MAD1L1: variants seen among roughly 807,000 people sequenced by gnomAD.
MAD1L1 encodes the protein mitotic arrest deficient 1 like 1, also known as mitotic spindle assembly checkpoint protein MAD1.
Under a neutral mutation model 96.9 loss-of-function variants are expected in MAD1L1, and 95 were observed. The observed-to-expected ratio is 0.98, with a 90% CI of 0.83 to 1.16. The LOEUF (loss-of-function observed/expected upper bound fraction) is 1.16. MAD1L1 is among the 50% of genes most tolerant of loss of function. MAD1L1 has a pLI of 0.00. For missense variants in MAD1L1, 1,007 were observed against 954.4 expected, an observed-to-expected ratio of 1.06 and a Z score of -0.73; for synonymous variants, 473 against 396.6, an observed-to-expected ratio of 1.19 and a Z score of -2.29.
At chr7:1,969,579 T>C (rs538430743) in intron 15 of MAD1L1, among the ~76,000 whole-genome samples, 2 of 152,298 alleles carry the variant, frequency 1.3e-5, no homozygotes, top group Non-Finnish European at 2.9e-5. Flanking sequence ...AAAGTGAAAC[T>C]ACTTCTCTCT....
intron 15 of MAD1L1, among the ~76,000 whole-genome samples, chr7:1,973,833 G>C (rs1284279947): frequency 2.0e-5 from 3 of 152,322 alleles, no homozygotes; most frequent in South Asian, 2.1e-4. Flanking sequence ...GGACCAGAGA[G>C]CCAGAGCTGG....
intron 14 of MAD1L1, among the ~76,000 whole-genome samples, chr7:1,999,679 A>C (rs1781705663): frequency 1.3e-5 from 2 of 152,084 alleles, no homozygotes; most frequent in Admixed American, 6.5e-5. Context: ...CATGCCCGTC[A>C]CTACAGTAAG....
chr7:1,843,445 G>A (rs1445359456), intron 18 of MAD1L1, among the ~76,000 whole-genome samples: 3 of 152,102 alleles, frequency 2.0e-5, no homozygotes, highest in Admixed American at 1.3e-4. Context: ...CTGTCATCCA[G>A]CCCCTCCTGA....
chr7:1,887,500 C>T (rs1562491246), intron 18 of MAD1L1, among the ~76,000 whole-genome samples: 1 of 144,106 alleles, frequency 6.9e-6, no homozygotes, highest in African/African-American at 2.6e-5. Flanking sequence ...TGCATGTGTG[C>T]ATGTATGTGG....
intron 5 of MAD1L1, chr7:2,221,167 A>T (rs1454763250): frequency 4.2e-6 from 3 of 720,142 alleles, no homozygotes; most frequent in East Asian, 2.7e-5. Flanking sequence ...CCCACCGGGC[A>T]CCGCCCTGCG....
intron 17 of MAD1L1, among the ~76,000 whole-genome samples, chr7:1,917,013 G>C (rs1788449303): frequency 6.6e-6 from 1 of 152,136 alleles, no homozygotes; most frequent in Admixed American, 6.5e-5. Context: ...AGCATCTTGT[G>C]ACAGGAATGT....
chr7:2,000,620 C>A (rs931071741), intron 14 of MAD1L1, among the ~76,000 whole-genome samples: 3 of 152,274 alleles, frequency 2.0e-5, no homozygotes, highest in Admixed American at 2.0e-4. Context: ...CTCCTCCATT[C>A]GCCACCACCG....
At chr7:1,827,123 G>A (rs952449092) in intron 18 of MAD1L1, among the ~76,000 whole-genome samples, 3 of 152,236 alleles carry the variant, frequency 2.0e-5, no homozygotes, top group Non-Finnish European at 2.9e-5. Flanking sequence ...GCTGTGAGTG[G>A]CATCCGCCAC....
chr7:2,144,492 A>G (rs1263202018), intron 11 of MAD1L1, among the ~76,000 whole-genome samples: 2 of 152,088 alleles, frequency 1.3e-5, no homozygotes, highest in East Asian at 1.9e-4. Flanking sequence ...CGAGCTTCCC[A>G]GCCCTGTTCT....
intron 15 of MAD1L1, among the ~76,000 whole-genome samples, chr7:1,969,274 C>A (rs1562570556): frequency 6.6e-6 from 1 of 152,134 alleles, no homozygotes; most frequent in Non-Finnish European, 1.5e-5. Context: ...ATCACAGCTA[C>A]TCGGGAGGCT....
chr7:2,214,295 G>C (rs1198706887), intron 9 of MAD1L1, among the ~76,000 whole-genome samples: 1 of 152,208 alleles, frequency 6.6e-6, no homozygotes, highest in African/African-American at 2.4e-5. Context: ...CCGCGGGAGA[G>C]AGAAAAGATG....
At chr7:2,217,886 C>G in intron 7 of MAD1L1, 76 bp downstream of exon 7, 1 of 1,273,020 alleles carries the variant, frequency 7.9e-7, no homozygotes, top group Non-Finnish European at 1.1e-6. Context: ...GGCACCAGCG[C>G]AGAAAGGCCG....
intron 16 of MAD1L1, among the ~76,000 whole-genome samples, chr7:1,947,166 G>T (rs561642953): frequency 6.6e-6 from 1 of 152,190 alleles, no homozygotes; most frequent in African/African-American, 2.4e-5. Flanking sequence ...GCCCTGGTGC[G>T]TGCAGGAGCT....
At chr7:1,987,664 C>A (rs1286429509) in intron 14 of MAD1L1, among the ~76,000 whole-genome samples, 1 of 152,224 alleles carries the variant, frequency 6.6e-6, no homozygotes, top group Non-Finnish European at 1.5e-5. Context: ...GCCGCCGGGC[C>A]CGCACGGCAG....
rs149126530 is a variant in MAD1L1, at chr7:1,861,915, T to A, written c.1998+36285A>T. On this transcript the variant is annotated intron_variant, in intron 18 of 18. Transcript: ENST00000265854. Reference sequence around the variant, plus strand: ...GACACTGCTCCGCCTGCCCCCTGGTTGGAGGGACTCCTGGCCCCCCAGCCC... The same window carrying A: ...GACACTGCTCCGCCTGCCCCCTGGTAGGAGGGACTCCTGGCCCCCCAGCCC... Among the ~76,000 whole-genome samples, 210 of 151,804 alleles carry A rather than the reference T, an allele frequency of 1.4e-3. 2 individuals carry two copies. The highest frequency in any genetic ancestry group is 4.8e-3 in the African/African-American group (197 of 41,344).
At chr7:1,829,253 G>A (rs987784847) in intron 18 of MAD1L1, among the ~76,000 whole-genome samples, 1 of 152,244 alleles carries the variant, frequency 6.6e-6, no homozygotes, top group Non-Finnish European at 1.5e-5. Flanking sequence ...TACAGCGGAT[G>A]CAAAGTGGGG....
intron 11 of MAD1L1, among the ~76,000 whole-genome samples, chr7:2,095,135 G>A (rs747560626): frequency 6.6e-6 from 1 of 151,908 alleles, no homozygotes; most frequent in African/African-American, 2.4e-5. Context: ...CTCCGCCTCC[G>A]GGGTTCACGC....
chr7:2,128,832 G>C (rs1209688078), intron 11 of MAD1L1, among the ~76,000 whole-genome samples: 1 of 152,174 alleles, frequency 6.6e-6, no homozygotes, highest in Non-Finnish European at 1.5e-5. Flanking sequence ...GCCTCCCCAG[G>C]AGCACAAGGC....
In MAD1L1 at chr7:2,230,080, G is replaced by C. The variant is rs1330152187; in HGVS notation, c.54C>G (p.Asn18Lys). The C allele has an allele frequency of 6.2e-7, 1 of 1,611,956 alleles. No individual in the cohort carries two copies. Among genetic ancestry groups the C allele is most frequent in the Non-Finnish European group, 8.5e-7 (1 of 1,179,080 alleles). The change falls in exon 3 of 19, where the codon AAC becomes AAG. Residue 18 changes from asparagine to lysine, a missense_variant. Physicochemically the swap from Asn to Lys is moderately conservative, Grantham distance 94. Coordinates refer to ENST00000265854, the MANE Select transcript of MAD1L1 (RefSeq NM_001013836.2). ...CCTCCACACGCTGAGAGATGAAGTT[G>C]TTCAAAGATCTCAGGGTGGATAAAA... The part of the protein sequence containing the change: ...TMVLSTLRSL[N>K]NFISQRVEGG...
Sources: allele counts gnomAD v4.1 joint callset (sites outside exome capture counted in the v4.1 genomes callset), GRCh38; gene constraint gnomAD v4.1.1; transcripts MANE v1.5; gene names NCBI Gene and HGNC (gene_info 2026-07-23, HGNC 2026-07-21).